TACR1: variants seen among roughly 807,000 people sequenced by gnomAD.
The protein encoded by TACR1 is tachykinin receptor 1, also known as substance-P receptor.
Under a neutral mutation model 35.8 loss-of-function variants are expected in TACR1, and 25 were observed. The ratio of observed to expected loss-of-function variants is 0.70; its 90% CI spans 0.51 to 0.98. The LOEUF (loss-of-function observed/expected upper bound fraction) is 0.98, where lower values mean the gene tolerates loss of function less well. TACR1 is among the 50% of genes least tolerant of loss of function. The probability of loss-of-function intolerance (pLI) is 0.00; values close to 1 mark genes in which losing one functional copy is unlikely to be tolerated. For missense variants in TACR1, 478 were observed against 522.9 expected, an observed-to-expected ratio of 0.91 and a Z score of 0.84; for synonymous variants, 195 against 206.7, an observed-to-expected ratio of 0.94 and a Z score of 0.48.
intron 1 of TACR1, among the ~76,000 whole-genome samples, chr2:75,179,621 G>A (rs1271467765): frequency 6.6e-6 from 1 of 152,168 alleles, no homozygotes; most frequent in Non-Finnish European, 1.5e-5. Context: ...GTTGGGCCTG[G>A]CCATGTGACT....
At chr2:75,154,414 A>ACGCGCGCG (rs1558572302) in intron 1 of TACR1, 1 of 81,176 alleles carries the variant, frequency 1.2e-5, no homozygotes, top group African/African-American at 5.2e-5. Context: ...GCGCACGCAC[A>ACGCGCGCG]CACACACACA....
intron 1 of TACR1, among the ~76,000 whole-genome samples, chr2:75,181,134 CTA>C (rs1489913908): frequency 2.0e-5 from 3 of 152,124 alleles, no homozygotes; most frequent in Non-Finnish European, 4.4e-5. Context: ...TTCCCCAGTC[CTA>C]TGTTTTGAAT....
intron 1 of TACR1, among the ~76,000 whole-genome samples, chr2:75,168,625 T>C (rs1377042136): frequency 6.6e-6 from 1 of 152,256 alleles, no homozygotes; most frequent in African/African-American, 2.4e-5. Context: ...ACTGTTGATC[T>C]GTGGCGGACT....
At chr2:75,088,095 T>G (rs902921497) in intron 2 of TACR1, among the ~76,000 whole-genome samples, 2 of 152,198 alleles carry the variant, frequency 1.3e-5, no homozygotes, top group Admixed American at 1.3e-4. Flanking sequence ...AGCTGAAAAC[T>G]ACAACCTATT....
chr2:75,100,552 G>A (rs779579111), intron 2 of TACR1, among the ~76,000 whole-genome samples: 3 of 152,112 alleles, frequency 2.0e-5, no homozygotes, highest in Non-Finnish European at 4.4e-5. Context: ...TCATGACTCT[G>A]TGGTAATGAA....
chr2:75,149,704 C>T (rs1302752846), intron 1 of TACR1, among the ~76,000 whole-genome samples: 1 of 152,136 alleles, frequency 6.6e-6, no homozygotes, highest in Non-Finnish European at 1.5e-5. Context: ...ATTTGACTTC[C>T]TCTTTTCCTG....
At chr2:75,154,619 C>T (rs1391254726) in intron 1 of TACR1, 2 of 152,442 alleles carry the variant, frequency 1.3e-5, no homozygotes, top group East Asian at 1.9e-4. Context: ...TGGTGATTCC[C>T]TCTGAAGAGG....
chr2:75,128,693 T>C (rs1674124213), intron 1 of TACR1, among the ~76,000 whole-genome samples: 1 of 152,144 alleles, frequency 6.6e-6, no homozygotes, highest in Non-Finnish European at 1.5e-5. Flanking sequence ...AGCAAGTTTG[T>C]AACACAATGG....
At position 75,053,774 on chromosome 2, in the gene TACR1, G is replaced by T; in HGVS notation, c.585-19C>A. On this transcript the variant is annotated intron_variant, in intron 2 of 4. Coordinates refer to ENST00000305249, the MANE Select transcript of TACR1 (RefSeq NM_001058.4). ...GTGGTACCTACAGCAAGGTAAACAGGAAAGGTCAGTATGATATACTTATTA... is the reference window on the plus strand; with the variant it reads ...GTGGTACCTACAGCAAGGTAAACAGTAAAGGTCAGTATGATATACTTATTA... 2.5e-6 allele frequency: 4 copies of T among 1,614,096 alleles called. No homozygotes were observed. Among genetic ancestry groups the T allele is most frequent in the African/African-American group, 1.3e-5 (1 of 75,052 alleles).
intron 1 of TACR1, among the ~76,000 whole-genome samples, chr2:75,153,611 C>T (rs186022126): frequency 3.3e-5 from 5 of 152,332 alleles, no homozygotes; most frequent in Admixed American, 3.3e-4. Flanking sequence ...TAAAATACAT[C>T]TCTTAATTCT....
chr2:75,151,679 T>C (rs2103966153), intron 1 of TACR1, among the ~76,000 whole-genome samples: 1 of 152,312 alleles, frequency 6.6e-6, no homozygotes, highest in Non-Finnish European at 1.5e-5. Flanking sequence ...ACAGAGTTCC[T>C]ACTGGGACAC....
chr2:75,189,314 C>G (rs1427406747), intron 1 of TACR1: 2 of 152,212 alleles, frequency 1.3e-5, no homozygotes, highest in African/African-American at 2.4e-5. Flanking sequence ...ACCCCTGATT[C>G]CAGAACCTCA....
At chr2:75,123,453 G>A (rs1262331182) in intron 1 of TACR1, among the ~76,000 whole-genome samples, 6 of 152,088 alleles carry the variant, frequency 3.9e-5, no homozygotes, top group Admixed American at 2.0e-4. Context: ...TTGCACCAGC[G>A]TATTGGCACT....
intron 1 of TACR1, among the ~76,000 whole-genome samples, chr2:75,185,827 A>G (rs1370937564): frequency 6.6e-6 from 1 of 152,202 alleles, no homozygotes; most frequent in African/African-American, 2.4e-5. Flanking sequence ...TCTTCTAAGA[A>G]TTTATCCTAA....
intron 2 of TACR1, among the ~76,000 whole-genome samples, chr2:75,087,214 G>A (rs75712666): frequency 0.013 from 2,008 of 152,248 alleles, 33 homozygotes; most frequent in African/African-American, 0.045. Flanking sequence ...TCATTTGTAC[G>A]TTAAGAAATG....
intron 1 of TACR1, among the ~76,000 whole-genome samples, chr2:75,142,706 AG>A (rs1674433730): frequency 6.6e-6 from 1 of 152,142 alleles, no homozygotes; most frequent in African/African-American, 2.4e-5. Flanking sequence ...CAGGTTAACC[AG>A]CTGGGAGGGA....
chr2:75,073,812 A>G (rs1282575234), intron 2 of TACR1, among the ~76,000 whole-genome samples: 1 of 151,148 alleles, frequency 6.6e-6, no homozygotes, highest in African/African-American at 2.5e-5. Context: ...CTCACATAGG[A>G]ATGCCACTTC....
chr2:75,117,966 T>C (rs1673896788), intron 2 of TACR1, among the ~76,000 whole-genome samples: 1 of 152,236 alleles, frequency 6.6e-6, no homozygotes, highest in African/African-American at 2.4e-5. Context: ...GTCTGTACTA[T>C]TAGGCTCAGA....
chr2:75,179,215 T>A (rs1675502122), intron 1 of TACR1, among the ~76,000 whole-genome samples: 1 of 152,198 alleles, frequency 6.6e-6, no homozygotes, highest in Non-Finnish European at 1.5e-5. Context: ...TAGCAGTCAT[T>A]CTTGACTGTG....
Sources: gnomAD v4.1 joint callset for allele counts (sites outside exome capture counted in the v4.1 genomes callset) on GRCh38, gnomAD v4.1.1 for gene constraint, MANE v1.5 for transcripts, NCBI Gene and HGNC (gene_info 2026-07-23, HGNC 2026-07-21) for gene names.